Variants in PTPRR observed in about 807,000 individuals in gnomAD.
The protein encoded by PTPRR is protein tyrosine phosphatase receptor type R, also known as receptor-type tyrosine-protein phosphatase R.
In PTPRR, 38 loss-of-function variants were observed where a neutral mutation model predicts 77.2. The ratio of observed to expected loss-of-function variants is 0.49; its 90% CI spans 0.38 to 0.65. The LOEUF (loss-of-function observed/expected upper bound fraction) is 0.65, where lower values mean the gene tolerates loss of function less well. Among genes scored for constraint, PTPRR ranks in the 30% least tolerant of loss-of-function variants. PTPRR has a pLI of 0.00. For synonymous variants in PTPRR, 299 were observed against 283.1 expected (o/e 1.06, Z -0.57); for missense variants, 744 against 799.2 (o/e 0.93, Z 0.83).
intron 2 of PTPRR, among the ~76,000 whole-genome samples, chr12:70,810,649 C>A (rs750356527): frequency 2.0e-5 from 3 of 152,130 alleles, no homozygotes; most frequent in Non-Finnish European, 2.9e-5. Context: ...ACTGAGAAAT[C>A]ATTTCTCTGA....
chr12:70,768,268 C>A lies in PTPRR; in HGVS notation c.358-3490G>T, dbSNP rs145918766. Among the ~76,000 whole-genome samples the A allele has an allele frequency of 5.1e-3, 775 of 152,058 alleles. 4 individuals carry two copies. The highest frequency in any genetic ancestry group is 8.7e-3 in the Non-Finnish European group (594 of 67,956). ...ATCAACAAAATTGATAGACTGCTAG[C>A]AAGACTAATAAAGCAAGAGAAGAAT... On this transcript the variant is annotated intron_variant, in intron 2 of 13. Transcript: ENST00000283228.
At chr12:70,710,900 C>T (rs1260495163) in intron 6 of PTPRR, among the ~76,000 whole-genome samples, 1 of 152,108 alleles carries the variant, frequency 6.6e-6, no homozygotes, top group East Asian at 1.9e-4. Context: ...CAAAAAATGA[C>T]ATATGCTGGC....
intron 2 of PTPRR, among the ~76,000 whole-genome samples, chr12:70,859,393 C>T (rs1425316945): frequency 6.6e-6 from 1 of 152,024 alleles, no homozygotes; most frequent in African/African-American, 2.4e-5. Flanking sequence ...GGGTTGACAA[C>T]TACTGACATA....
intron 8 of PTPRR, among the ~76,000 whole-genome samples, chr12:70,685,141 T>C (rs1203682839): frequency 6.6e-6 from 1 of 152,164 alleles, no homozygotes; most frequent in Non-Finnish European, 1.5e-5. Context: ...CCTATGGAGG[T>C]AAATCAGGCT....
chr12:70,673,860 AT>A (rs1363626675), intron 10 of PTPRR, among the ~76,000 whole-genome samples: 2 of 151,804 alleles, frequency 1.3e-5, no homozygotes, highest in Non-Finnish European at 2.9e-5. Flanking sequence ...TTTTTTTTGC[AT>A]TTCCTTTAAT....
At chr12:70,693,389 C>T (rs1315715714) in intron 8 of PTPRR, among the ~76,000 whole-genome samples, 9 of 152,216 alleles carry the variant, frequency 5.9e-5, no homozygotes, top group African/African-American at 1.7e-4. Flanking sequence ...CTCAACCTCC[C>T]GGGCTCAAGT....
At chr12:70,877,323 T>C (rs1358489342) in intron 2 of PTPRR, among the ~76,000 whole-genome samples, 4 of 152,020 alleles carry the variant, frequency 2.6e-5, no homozygotes, top group African/African-American at 7.3e-5. Context: ...AAAATCAGAG[T>C]AGATCAGCAA....
At chr12:70,898,276 T>A (rs889272814) in intron 1 of PTPRR, among the ~76,000 whole-genome samples, 22 of 150,690 alleles carry the variant, frequency 1.5e-4, no homozygotes, top group African/African-American at 5.3e-4. Context: ...ATTATGAAGT[T>A]TTTGCTTGTC....
intron 12 of PTPRR, among the ~76,000 whole-genome samples, chr12:70,658,915 T>TTTA (rs1886689458): frequency 1.6e-5 from 2 of 124,712 alleles, no homozygotes; most frequent in African/African-American, 3.6e-5. Flanking sequence ...TTTTTTTTTT[T>TTTA]ATAAGACAGA....
intron 2 of PTPRR, among the ~76,000 whole-genome samples, chr12:70,847,388 T>C (rs1004897209): frequency 6.6e-6 from 1 of 152,176 alleles, no homozygotes; most frequent in African/African-American, 2.4e-5. Context: ...TAAAAGCCAA[T>C]AGAAATTATA....
At chr12:70,853,893 C>T (rs976599520) in intron 2 of PTPRR, among the ~76,000 whole-genome samples, 6 of 152,218 alleles carry the variant, frequency 3.9e-5, no homozygotes, top group Non-Finnish European at 7.3e-5. Flanking sequence ...TTCTACCTTA[C>T]TCTTACTGTA....
chr12:70,721,231 T>C (rs1889239521), intron 6 of PTPRR, among the ~76,000 whole-genome samples: 1 of 152,192 alleles, frequency 6.6e-6, no homozygotes, highest in South Asian at 2.1e-4. Flanking sequence ...GTTAGAAATA[T>C]ACTGAGGAGA....
rs79820945 is a variant in PTPRR, at chr12:70,655,544, G to A, written c.1880+1160C>T. Among the ~76,000 whole-genome samples the A allele has an allele frequency of 3.4e-3, 516 of 152,200 alleles. 3 individuals carry two copies. The highest frequency in any genetic ancestry group is 0.011 in the African/African-American group (469 of 41,540). ...TAAACAAAATATGTGTCCTAAAATG[G>A]AATATTATTCAGCCTTAAAAAGCAA... is the stretch of plus-strand genomic sequence containing the variant. On this transcript the variant is annotated intron_variant, in intron 13 of 13. Transcript: ENST00000283228.
rs1399519801 is a variant in PTPRR, at chr12:70,750,913, T to TG, written c.738+3277_738+3278insC. ...TGGATGATTTTTTAAACCCTTTTTT[T>TG]TTTTTTTGTAAAGACAGGGTCTCAC... is the stretch of plus-strand genomic sequence containing the variant. On this transcript the variant is annotated intron_variant, in intron 5 of 13. Transcript: ENST00000283228. Among the ~76,000 whole-genome samples the TG allele has an allele frequency of 2.0e-5, 3 of 151,544 alleles. No individual in the cohort carries two copies. The East Asian group carries it at 5.8e-4, about 30-fold the overall frequency.
At chr12:70,673,030 G>GAAAAA in intron 10 of PTPRR, 4 of 334,074 alleles carry the variant, frequency 1.2e-5, no homozygotes, top group East Asian at 2.4e-4. Flanking sequence ...TCGGGCCAAA[G>GAAAAA]CAAAAAAAAA....
intron 1 of PTPRR, among the ~76,000 whole-genome samples, chr12:70,915,508 T>C (rs1397755859): frequency 1.3e-5 from 2 of 152,218 alleles, no homozygotes; most frequent in Non-Finnish European, 2.9e-5. Flanking sequence ...TTAGACTCTC[T>C]GTTTGTAAAT....
At chr12:70,799,682 G>A (rs117030225) in intron 2 of PTPRR, among the ~76,000 whole-genome samples, 1 of 152,256 alleles carries the variant, frequency 6.6e-6, no homozygotes, top group East Asian at 1.9e-4. Flanking sequence ...TATCTTTGGT[G>A]ATGAGAAAAA....
chr12:70,705,032 T>A (rs1888567078), intron 6 of PTPRR, among the ~76,000 whole-genome samples: 1 of 152,010 alleles, frequency 6.6e-6, no homozygotes, highest in Non-Finnish European at 1.5e-5. Context: ...ATTCAAAAGA[T>A]ACCAATGCAA....
At chr12:70,741,520 G>T (rs538923135) in intron 6 of PTPRR, among the ~76,000 whole-genome samples, 5 of 152,086 alleles carry the variant, frequency 3.3e-5, no homozygotes, top group African/African-American at 1.2e-4. Flanking sequence ...TGCTGTATTC[G>T]GGCTGCCAGG....
Sources: allele counts gnomAD v4.1 joint callset (sites outside exome capture counted in the v4.1 genomes callset), GRCh38; gene constraint gnomAD v4.1.1; transcripts MANE v1.5; gene names NCBI Gene and HGNC (gene_info 2026-07-23, HGNC 2026-07-21).